ATRNL1: variants seen among roughly 807,000 people sequenced by gnomAD.
The protein encoded by ATRNL1 is attractin like 1.
Under a neutral mutation model 182.7 loss-of-function variants are expected in ATRNL1, and 95 were observed. That is an observed-to-expected ratio of 0.52 (90% CI 0.44 to 0.62). ATRNL1 has a LOEUF of 0.62. Ranked by LOEUF, ATRNL1 falls within the 20% of genes least tolerant of loss-of-function variation. The pLI is 0.00. For synonymous variants in ATRNL1, 576 were observed against 568.3 expected (o/e 1.01, Z -0.19); for missense variants, 1,471 against 1,679.5 (o/e 0.88, Z 2.17).
Position 115,851,649 on chromosome 10 carries a change from A to T in ATRNL1, c.4018+3658A>T, listed in dbSNP as rs192705935. Reference sequence around the variant, plus strand: ...GGGGCTTAGAATAGTAAGGCAAAAGATATTAAGTAGGCTTTTTGGCATTCC... The same window carrying T: ...GGGGCTTAGAATAGTAAGGCAAAAGTTATTAAGTAGGCTTTTTGGCATTCC... On this transcript the variant is annotated intron_variant, in intron 28 of 28. Transcript: ENST00000355044. Among the ~76,000 whole-genome samples the T allele has an allele frequency of 3.3e-5, 5 of 152,228 alleles. No individual in the cohort carries two copies. In the East Asian group the frequency reaches 9.7e-4, roughly 30 times the overall value.
At chr10:115,931,732 G>C (rs1179821769) in intron 28 of ATRNL1, among the ~76,000 whole-genome samples, 1 of 152,174 alleles carries the variant, frequency 6.6e-6, no homozygotes, top group East Asian at 1.9e-4. Context: ...ATGACATTCT[G>C]TAATGACATG....
chr10:115,696,730 A>G (rs1946571420), intron 26 of ATRNL1, among the ~76,000 whole-genome samples: 1 of 152,154 alleles, frequency 6.6e-6, no homozygotes, highest in South Asian at 2.1e-4. Context: ...CACTGCTATA[A>G]AGAACTACTT....
At chr10:115,679,882 G>A (rs115692794) in intron 26 of ATRNL1, among the ~76,000 whole-genome samples, 2 of 151,874 alleles carry the variant, frequency 1.3e-5, no homozygotes, top group African/African-American at 4.8e-5. Flanking sequence ...TTGATTAAAG[G>A]TCTTTCCTTA....
intron 15 of ATRNL1, among the ~76,000 whole-genome samples, chr10:115,287,114 T>C (rs1201696829): frequency 6.6e-6 from 1 of 152,002 alleles, no homozygotes; most frequent in Non-Finnish European, 1.5e-5. Flanking sequence ...TGCTTACTTG[T>C]TACAGCTTAC....
At chr10:115,231,848 G>T (rs1201171316) in intron 9 of ATRNL1, among the ~76,000 whole-genome samples, 1 of 152,072 alleles carries the variant, frequency 6.6e-6, no homozygotes, top group Non-Finnish European at 1.5e-5. Flanking sequence ...TCACTTGAGG[G>T]TGAGAATGAG....
At chr10:115,225,086 G>A (rs1027796831) in intron 9 of ATRNL1, among the ~76,000 whole-genome samples, 30 of 152,156 alleles carry the variant, frequency 2.0e-4, no homozygotes, top group Non-Finnish European at 3.2e-4. Context: ...GAAAATTTTA[G>A]TATTGTCTTT....
Position 115,268,399 on chromosome 10 carries a change from G to T in ATRNL1, c.2055G>T (p.Trp685Cys). The change falls in exon 13 of 29, where the codon TGG (tryptophan) becomes TGT (cysteine). Residue 685 changes from tryptophan (W) to cysteine (C), a missense_variant. By Grantham distance (215) the Trp-to-Cys change is radical (BLOSUM62 -2). Coordinates refer to ENST00000355044, the MANE Select transcript of ATRNL1 (RefSeq NM_207303.4). The part of the protein sequence containing the change: ...SCTANTNGCQ[W>C]CDDKKCISAN... ...CTGCCAATACAAATGGGTGCCAATG[G>T]TGTGATGACAAGAAATGCATTTCGG... is the stretch of plus-strand genomic sequence containing the variant. The T allele has an allele frequency of 6.2e-7, 1 of 1,613,728 alleles. No homozygotes were observed. Among genetic ancestry groups the T allele is most frequent in the Non-Finnish European group, 8.5e-7 (1 of 1,179,742 alleles).
At chr10:115,892,806 C>T (rs965674164) in intron 28 of ATRNL1, among the ~76,000 whole-genome samples, 4 of 152,042 alleles carry the variant, frequency 2.6e-5, no homozygotes, top group African/African-American at 4.8e-5. Context: ...CCTGCTTATG[C>T]GCCTGTGTTT....
intron 19 of ATRNL1, among the ~76,000 whole-genome samples, chr10:115,340,928 T>C (rs1855724663): frequency 6.6e-6 from 1 of 152,134 alleles, no homozygotes; most frequent in East Asian, 1.9e-4. Context: ...TTTTTCTTAG[T>C]TTGTCTGGCT....
chr10:115,323,846 C>A, intron 18 of ATRNL1, among the ~76,000 whole-genome samples: 1 of 151,874 alleles, frequency 6.6e-6, no homozygotes, highest in Middle Eastern at 3.4e-3. Flanking sequence ...GGCGCGATCT[C>A]GGCTCACCGC....
chr10:115,323,312 G>GT (rs1225706171), intron 18 of ATRNL1, among the ~76,000 whole-genome samples: 1 of 151,048 alleles, frequency 6.6e-6, no homozygotes, highest in Non-Finnish European at 1.5e-5. Flanking sequence ...TACTTCATTT[G>GT]TTTTTTTCTT....
chr10:115,838,698 T>C (rs1473165433), intron 27 of ATRNL1, among the ~76,000 whole-genome samples: 4 of 152,190 alleles, frequency 2.6e-5, no homozygotes, highest in African/African-American at 9.6e-5. Flanking sequence ...GTTCATAATG[T>C]TGATCATGGA....
chr10:115,497,154 T>G (rs1287819259), intron 24 of ATRNL1, among the ~76,000 whole-genome samples: 1 of 152,244 alleles, frequency 6.6e-6, no homozygotes, highest in Non-Finnish European at 1.5e-5. Context: ...TCCATTCTAC[T>G]GTGAATACTT....
intron 15 of ATRNL1, among the ~76,000 whole-genome samples, chr10:115,289,467 C>G (rs1010416543): frequency 6.6e-6 from 1 of 151,988 alleles, no homozygotes; most frequent in Admixed American, 6.6e-5. Flanking sequence ...TAAACCCATT[C>G]CTGAAGTTTT....
At chr10:115,496,350 A>T (rs957360558) in intron 24 of ATRNL1, among the ~76,000 whole-genome samples, 19 of 151,826 alleles carry the variant, frequency 1.3e-4, no homozygotes, top group African/African-American at 4.4e-4. Context: ...CAGATTTAGC[A>T]CTCCTTAAGG....
At chr10:115,635,434 T>A (rs898139847) in intron 26 of ATRNL1, among the ~76,000 whole-genome samples, 5 of 151,884 alleles carry the variant, frequency 3.3e-5, no homozygotes, top group African/African-American at 9.7e-5. Context: ...AAAACTACAA[T>A]GAGATACCAT....
In ATRNL1 at chr10:115,892,558, A is replaced by C. The variant is rs188390707; in HGVS notation, c.4018+44567A>C. Among the ~76,000 whole-genome samples, 3 of 152,318 alleles carry C rather than the reference A, an allele frequency of 2.0e-5. No individual in the cohort carries two copies. In the East Asian group the frequency reaches 5.8e-4, roughly 29 times the overall value. ...ATGCTGATGATACATATCTTGTAAG[A>C]CTATGAACTTTTTGAAAGCAGGCAT... On this transcript the variant is annotated intron_variant, in intron 28 of 28. Coordinates refer to ENST00000355044, the MANE Select transcript of ATRNL1 (RefSeq NM_207303.4).
chr10:115,862,555 C>T (rs780108404), intron 28 of ATRNL1, among the ~76,000 whole-genome samples: 24 of 152,174 alleles, frequency 1.6e-4, no homozygotes, highest in Non-Finnish European at 3.1e-4. Context: ...TTTCTTACCT[C>T]TTATGTTGGT....
intron 27 of ATRNL1, among the ~76,000 whole-genome samples, chr10:115,794,942 T>G (rs1448091646): frequency 4.6e-5 from 7 of 152,194 alleles, no homozygotes; most frequent in African/African-American, 1.4e-4. Context: ...CTATCATTAT[T>G]TTGATGCTCA....
Sources: allele counts gnomAD v4.1 joint callset (sites outside exome capture counted in the v4.1 genomes callset), GRCh38; gene constraint gnomAD v4.1.1; transcripts MANE v1.5; gene names NCBI Gene and HGNC (gene_info 2026-07-23, HGNC 2026-07-21).